CEP126: variants seen among roughly 807,000 people sequenced by gnomAD.
CEP126 encodes centrosomal protein of 126 kDa.
CEP126 carries 74 observed loss-of-function variants against 107.8 expected under a neutral mutation model. The ratio of observed to expected loss-of-function variants is 0.69; its 90% CI spans 0.57 to 0.83. The LOEUF (loss-of-function observed/expected upper bound fraction) is 0.83. Among genes scored for constraint, CEP126 ranks in the 40% least tolerant of loss-of-function variants. The pLI is 0.00. For synonymous variants in CEP126, 449 were observed against 446.0 expected (o/e 1.01, Z -0.08); for missense variants, 1,237 against 1,281.9 (o/e 0.96, Z 0.53).
At chr11:101,930,828 C>T (rs1291516447) in intron 2 of CEP126, among the ~76,000 whole-genome samples, 1 of 152,134 alleles carries the variant, frequency 6.6e-6, no homozygotes, top group Non-Finnish European at 1.5e-5. Context: ...ATTGTTTTTT[C>T]CCAAATATTT....
intron 7 of CEP126, among the ~76,000 whole-genome samples, chr11:101,981,121 G>T (rs370709173): frequency 1.3e-5 from 2 of 152,182 alleles, no homozygotes; most frequent in Non-Finnish European, 2.9e-5. Flanking sequence ...TCAAGGTTCT[G>T]TGCAGCATTG....
At chr11:101,994,297 A>G (rs2137137954) in intron 10 of CEP126, among the ~76,000 whole-genome samples, 1 of 152,304 alleles carries the variant, frequency 6.6e-6, no homozygotes, top group East Asian at 1.9e-4. Flanking sequence ...GTTTGCAAAT[A>G]TTGTCTCCCA....
At chr11:101,985,050 G>A (rs556079399) in intron 8 of CEP126, among the ~76,000 whole-genome samples, 5 of 152,098 alleles carry the variant, frequency 3.3e-5, no homozygotes, top group Non-Finnish European at 7.4e-5. Context: ...AAGTACTTAC[G>A]TGTGAATAGG....
chr11:101,993,946 A>G (rs1183637370), intron 10 of CEP126, among the ~76,000 whole-genome samples: 2 of 151,942 alleles, frequency 1.3e-5, no homozygotes, highest in Non-Finnish European at 2.9e-5. Flanking sequence ...TAGATTCTTG[A>G]TATTAGGCCA....
chr11:101,926,653 T>A (rs1397226557), intron 2 of CEP126, among the ~76,000 whole-genome samples: 1 of 152,066 alleles, frequency 6.6e-6, no homozygotes, highest in Non-Finnish European at 1.5e-5. Context: ...CTGGATGGAG[T>A]AGATAGGATC....
intron 9 of CEP126, among the ~76,000 whole-genome samples, chr11:101,989,089 A>T (rs532667967): frequency 6.6e-6 from 1 of 152,282 alleles, no homozygotes; most frequent in South Asian, 2.1e-4. Context: ...GCCTTAACAC[A>T]TTTCAAAGGA....
intron 4 of CEP126, among the ~76,000 whole-genome samples, chr11:101,957,926 A>T (rs1591282635): frequency 6.6e-6 from 1 of 152,200 alleles, no homozygotes; most frequent in Admixed American, 6.5e-5. Context: ...GCCATGAATT[A>T]CTGGGCATTC....
chr11:101,951,882 C>T (rs1940817215), intron 4 of CEP126, among the ~76,000 whole-genome samples: 2 of 152,112 alleles, frequency 1.3e-5, no homozygotes, highest in African/African-American at 4.8e-5. Flanking sequence ...TATATTGTTG[C>T]TTAATTTTCA....
At chr11:101,916,537 C>T (rs1940216978) in intron 1 of CEP126, 1 of 152,116 alleles carries the variant, frequency 6.6e-6, no homozygotes. Flanking sequence ...CATTATTAAC[C>T]CCATTCAGTT....
Position 101,915,206 on chromosome 11 carries a change from C to T in CEP126, c.-79C>T, listed in dbSNP as rs926189454. On this transcript the variant is annotated 5_prime_UTR_variant, in exon 1 of 11. Transcript: ENST00000263468. ...TGAGAGACGGAGTGTAGGGAGGGGCCGAGCAGGAGGAGGAGGAAGCCGGAG... is the reference window on the plus strand; with the variant it reads ...TGAGAGACGGAGTGTAGGGAGGGGCTGAGCAGGAGGAGGAGGAAGCCGGAG... 1 of 1,584,354 alleles carries T rather than the reference C, an allele frequency of 6.3e-7. No homozygotes were observed. The highest frequency in any genetic ancestry group is 8.6e-7 in the Non-Finnish European group (1 of 1,163,712).
chr11:101,948,953 C>T (rs1188168466), intron 4 of CEP126, among the ~76,000 whole-genome samples: 3 of 152,098 alleles, frequency 2.0e-5, no homozygotes, highest in Non-Finnish European at 2.9e-5. Context: ...TATCTGTGGG[C>T]AACAGTTCCC....
intron 8 of CEP126, among the ~76,000 whole-genome samples, chr11:101,986,232 C>T (rs963281336): frequency 3.3e-5 from 5 of 152,100 alleles, no homozygotes; most frequent in Admixed American, 3.3e-4. Flanking sequence ...ATTCACCTGC[C>T]TCAGCCTTCC....
At chr11:101,984,990 A>AAC (rs1941299398) in intron 8 of CEP126, among the ~76,000 whole-genome samples, 1 of 152,220 alleles carries the variant, frequency 6.6e-6, no homozygotes, top group South Asian at 2.1e-4. Flanking sequence ...AGTTGCCCTG[A>AAC]ACACATTATT....
At chr11:101,989,502 A>G (rs7942197) in intron 9 of CEP126, among the ~76,000 whole-genome samples, 79,156 of 152,042 alleles carry the variant, frequency 0.52, 21,195 homozygotes, top group East Asian at 0.78. Context: ...TTATACGTAT[A>G]TATTTTGTGT....
chr11:101,971,973 G>A (rs953920840), intron 6 of CEP126, among the ~76,000 whole-genome samples: 2 of 152,038 alleles, frequency 1.3e-5, no homozygotes, highest in Non-Finnish European at 2.9e-5. Context: ...GCTGGGCGTG[G>A]TGGTGGGCGC....
At chr11:101,953,781 T>C (rs1301644029) in intron 4 of CEP126, among the ~76,000 whole-genome samples, 1 of 152,162 alleles carries the variant, frequency 6.6e-6, no homozygotes, top group East Asian at 1.9e-4. Flanking sequence ...GTGGTAGTAA[T>C]ATAATTTACT....
At chr11:101,931,722 A>G (rs972472150) in intron 2 of CEP126, among the ~76,000 whole-genome samples, 2 of 152,212 alleles carry the variant, frequency 1.3e-5, no homozygotes, top group Non-Finnish European at 2.9e-5. Flanking sequence ...AAAGAAATGT[A>G]TCACAAAAGG....
chr11:101,975,797 C>A (rs539486346), intron 6 of CEP126, among the ~76,000 whole-genome samples: 6 of 152,228 alleles, frequency 3.9e-5, no homozygotes, highest in African/African-American at 1.4e-4. Flanking sequence ...ACCATATGTA[C>A]TCAAAGTTTA....
At chr11:101,927,068 A>C (rs2137082243) in intron 2 of CEP126, among the ~76,000 whole-genome samples, 1 of 152,300 alleles carries the variant, frequency 6.6e-6, no homozygotes, top group South Asian at 2.1e-4. Flanking sequence ...TTGGGAGGCC[A>C]AGGTGGGTGC....
Sources: gnomAD v4.1 joint callset for allele counts (sites outside exome capture counted in the v4.1 genomes callset) on GRCh38, gnomAD v4.1.1 for gene constraint, MANE v1.5 for transcripts, NCBI Gene and HGNC (gene_info 2026-07-23, HGNC 2026-07-21) for gene names.